The following ADNP variants were observed in gnomAD, a reference collection of about 807,000 sequenced individuals.
ADNP encodes activity-dependent neuroprotector homeobox protein.
A neutral mutation model predicts 84.9 loss-of-function variants in ADNP; 4 were observed. The observed-to-expected ratio is 0.05, with a 90% CI of 0.02 to 0.11. The LOEUF (loss-of-function observed/expected upper bound fraction) is 0.11. Among genes scored for constraint, ADNP ranks in the 10% least tolerant of loss-of-function variants. The pLI, the probability that ADNP is intolerant of heterozygous loss-of-function variation, is 1.00. For synonymous variants in ADNP, 554 were observed against 468.1 expected, an observed-to-expected ratio of 1.18 and a Z score of -2.37; for missense variants, 1,132 against 1,326.0, an observed-to-expected ratio of 0.85 and a Z score of 2.27.
intron 2 of ADNP, among the ~76,000 whole-genome samples, chr20:50,916,711 T>C (rs906955844): frequency 6.6e-6 from 1 of 152,204 alleles, no homozygotes; most frequent in Non-Finnish European, 1.5e-5. Context: ...ATAAAAAATA[T>C]TTTTAAAAAT....
At chr20:50,906,119 G>C (rs1448380829) in intron 2 of ADNP, among the ~76,000 whole-genome samples, 1 of 152,198 alleles carries the variant, frequency 6.6e-6, no homozygotes, top group East Asian at 1.9e-4. Flanking sequence ...GGCTGAGGCA[G>C]GAGAATCGCT....
At chr20:50,918,409 C>A (rs564251315) in intron 2 of ADNP, among the ~76,000 whole-genome samples, 1 of 152,192 alleles carries the variant, frequency 6.6e-6, no homozygotes, top group Non-Finnish European at 1.5e-5. Context: ...ATACAAATTT[C>A]CAGACCATTT....
rs918262311 is a variant in ADNP, at chr20:50,889,027, A to G, written c.*2378T>C. 3 of 152,218 alleles carry G rather than the reference A, an allele frequency of 2.0e-5. No homozygotes were observed. Among genetic ancestry groups the G allele is most frequent in the Admixed American group, 1.3e-4 (2 of 15,282 alleles). 9.4% of individuals were successfully genotyped at this position (152,218 alleles called of 1,614,324 possible). ...GCCAACGATCTCCAGATTATTTGAA[A>G]AGCAAACAGTAGCAACAATATTCTT... On this transcript the variant is annotated 3_prime_UTR_variant, in exon 6 of 6. Transcript: ENST00000621696.
chr20:50,926,468 A>G (rs1359430689), intron 2 of ADNP, among the ~76,000 whole-genome samples: 1 of 152,242 alleles, frequency 6.6e-6, no homozygotes, highest in East Asian at 1.9e-4. Context: ...TACTTTAAAA[A>G]TCTTTATTTC....
intron 1 of ADNP, among the ~76,000 whole-genome samples, chr20:50,930,614 T>G (rs961575335): frequency 1.3e-5 from 2 of 151,742 alleles, no homozygotes; most frequent in Non-Finnish European, 2.9e-5. Flanking sequence ...CGCCTGGACC[T>G]CCGGAGCAGA....
chr20:50,919,289 G>GTATATATATA (rs1359779030), intron 2 of ADNP, among the ~76,000 whole-genome samples: 62 of 64,674 alleles, frequency 9.6e-4, no homozygotes, highest in African/African-American at 2.9e-3. Flanking sequence ...ATATATTTAA[G>GTATATATATA]TGTATATATA....
chr20:50,892,792 T>C lies in ADNP; in HGVS notation c.1922A>G (p.His641Arg), dbSNP rs1009843260. ...AACTTGGTGCCTCTCTCGTAAGTGA[T>C]GTGCAAGTGCATCAGATATGGGTCC... Reference protein sequence around the residue: ...LKGPISDALAHHLRERHQVIQ... With the variant: ...LKGPISDALARHLRERHQVIQ... Residue 641 changes from histidine (H) to arginine (R), a missense_variant, in exon 6 of 6, where the codon CAT becomes CGT. Around this residue, in one of 10 missense-constraint regions of ADNP, gnomAD observed 39 missense variants for 96.2 expected, o/e 0.41. Coordinates refer to ENST00000621696, the MANE Select transcript of ADNP (RefSeq NM_001282531.3). 1 of 1,614,120 alleles carries C rather than the reference T, an allele frequency of 6.2e-7. No homozygotes were observed. The highest frequency in any genetic ancestry group is 1.3e-5 in the African/African-American group (1 of 74,936).
intron 2 of ADNP, among the ~76,000 whole-genome samples, chr20:50,919,289 G>GTATATATATATATATATATATA (rs1359779030): frequency 3.2e-4 from 21 of 64,668 alleles, no homozygotes; most frequent in African/African-American, 9.9e-4. Context: ...ATATATTTAA[G>GTATATATATATATATATATATA]TGTATATATA....
At chr20:50,894,960 C>A (rs149023904) in intron 5 of ADNP, among the ~76,000 whole-genome samples, 171 of 148,442 alleles carry the variant, frequency 1.2e-3, no homozygotes, top group African/African-American at 4.0e-3. Flanking sequence ...AATAGAAACT[C>A]AAAAAAAAAG....
chr20:50,903,968 C>A lies in ADNP; in HGVS notation c.29G>T (p.Gly10Val). Reference sequence around the variant, plus strand: ...AGTTTTCCGGGCTTTTCTTAAACTGCCAAGATTGTTGACAGGAAGTTGGAA... The same window carrying A: ...AGTTTTCCGGGCTTTTCTTAAACTGACAAGATTGTTGACAGGAAGTTGGAA... MFQLPVNNL[G>V]SLRKARKTVK... The change falls in exon 4 of 6, where the codon GGC (glycine) becomes GTC (valine). Residue 10 changes from glycine to valine, a missense_variant. Around this residue, in one of 10 missense-constraint regions of ADNP, gnomAD observed 56 missense variants for 94.6 expected, o/e 0.59. Coordinates refer to ENST00000621696, the MANE Select transcript of ADNP (RefSeq NM_001282531.3). 1 of 1,613,710 alleles carries A rather than the reference C, an allele frequency of 6.2e-7. No individual in the cohort carries two copies.
Position 50,928,838 on chromosome 20 carries a change from CAAG to C in ADNP, c.-264-16_-264-14del, listed in dbSNP as rs1568749735. 1 of 152,138 alleles carries C rather than the reference CAAG, an allele frequency of 6.6e-6. No homozygotes were observed. Among genetic ancestry groups the C allele is most frequent in the Non-Finnish European group, 1.5e-5 (1 of 67,996 alleles). 9.4% of individuals were successfully genotyped at this position (152,138 alleles called of 1,614,324 possible). A position where few individuals can be genotyped will look rare whatever the true frequency, so the allele number is the denominator to read the frequency against. ...GTGCATCTCACACCTATGGAAATAA[CAAG>C]AGGAGTAAAATCTATGGAAATCAAC... On this transcript the variant is annotated splice_polypyrimidine_tract_variant and intron_variant, in intron 1 of 5. Transcript: ENST00000621696.
At chr20:50,906,999 G>A (rs970694927) in intron 2 of ADNP, among the ~76,000 whole-genome samples, 1 of 129,184 alleles carries the variant, frequency 7.7e-6, no homozygotes, top group Non-Finnish European at 1.6e-5. Flanking sequence ...AGACAGTCTC[G>A]CTCTGTCACC....
At chr20:50,923,223 T>C (rs1984072393) in intron 2 of ADNP, among the ~76,000 whole-genome samples, 1 of 152,216 alleles carries the variant, frequency 6.6e-6, no homozygotes, top group African/African-American at 2.4e-5. Context: ...GCCAAGTCTT[T>C]GTATCTAAAT....
intron 5 of ADNP, 107 bp downstream of exon 5, chr20:50,901,910 A>G: frequency 2.3e-6 from 2 of 856,684 alleles, no homozygotes; most frequent in South Asian, 2.9e-5. Flanking sequence ...GACACTTTCG[A>G]TGTTTGGCAC....
At chr20:50,895,817 T>G (rs940787674) in intron 5 of ADNP, among the ~76,000 whole-genome samples, 3 of 152,250 alleles carry the variant, frequency 2.0e-5, no homozygotes, top group African/African-American at 7.2e-5. Flanking sequence ...TGCAAGCCGC[T>G]GTGCCGAGCC....
chr20:50,890,969 A>C lies in ADNP; in HGVS notation c.*436T>G. 1.0e-6 allele frequency: 1 copy of C among 992,524 alleles called. No individual in the cohort carries two copies. The highest frequency in any genetic ancestry group is 4.7e-5 in the South Asian group (1 of 21,488). 61.5% of individuals were successfully genotyped at this position (992,524 alleles called of 1,614,324 possible). A position where few individuals can be genotyped will look rare whatever the true frequency, so the allele number is the denominator to read the frequency against. On this transcript the variant is annotated 3_prime_UTR_variant, in exon 6 of 6. Transcript: ENST00000621696. ...ACAAATATACATTTCAACTATTCAG[A>C]ATGAATACATGAAAAAAAATCGCTT...
intron 5 of ADNP, among the ~76,000 whole-genome samples, chr20:50,896,721 G>C (rs569083019): frequency 6.6e-6 from 1 of 152,282 alleles, no homozygotes; most frequent in South Asian, 2.1e-4. Context: ...TAACACACAT[G>C]GAACTGCCAT....
intron 2 of ADNP, among the ~76,000 whole-genome samples, chr20:50,925,916 C>T (rs1600997678): frequency 6.6e-6 from 1 of 152,254 alleles, no homozygotes; most frequent in East Asian, 1.9e-4. Flanking sequence ...GCTTGGCCAA[C>T]ATGGCGAAAT....
intron 3 of ADNP, chr20:50,904,256 TC>T: frequency 2.4e-6 from 1 of 423,772 alleles, no homozygotes; most frequent in Non-Finnish European, 4.3e-6. Flanking sequence ...TGCAGTGCAC[TC>T]ATGGTTCATT....
Sources: allele counts gnomAD v4.1 joint callset (sites outside exome capture counted in the v4.1 genomes callset), GRCh38; gene constraint gnomAD v4.1.1; regional missense constraint gnomAD v4.1.1; transcripts MANE v1.5; gene names NCBI Gene and HGNC (gene_info 2026-07-23, HGNC 2026-07-21).